Variants in ADNP observed in about 807,000 individuals in gnomAD.
The protein encoded by ADNP is activity dependent neuroprotector homeobox, also known as activity-dependent neuroprotector homeobox protein.
In ADNP, 4 loss-of-function variants were observed where a neutral mutation model predicts 84.9. The observed-to-expected ratio is 0.05, with a 90% CI of 0.02 to 0.11. ADNP has a LOEUF of 0.11. ADNP is among the 10% of genes least tolerant of loss of function. The pLI is 1.00. For synonymous variants in ADNP, 554 were observed against 468.1 expected (o/e 1.18, Z -2.37); for missense variants, 1,132 against 1,326.0 (o/e 0.85, Z 2.27).
intron 2 of ADNP, among the ~76,000 whole-genome samples, chr20:50,921,250 TAAC>T (rs1160609658): frequency 1.3e-5 from 2 of 152,226 alleles, no homozygotes; most frequent in Non-Finnish European, 2.9e-5. Context: ...GTGGTTGCCA[TAAC>T]AACATCTGTT....
chr20:50,901,914 T>C (rs912028578), intron 5 of ADNP, 103 bp downstream of exon 5: 30 of 876,904 alleles, frequency 3.4e-5, no homozygotes, highest in Non-Finnish European at 5.2e-5. Flanking sequence ...CTTTCGATGT[T>C]TGGCACTTGC....
chr20:50,898,620 C>T (rs942822624), intron 5 of ADNP, among the ~76,000 whole-genome samples: 26 of 152,238 alleles, frequency 1.7e-4, no homozygotes, highest in Non-Finnish European at 2.5e-4. Context: ...TCTCCACCTT[C>T]GTAGTCCTTA....
chr20:50,922,723 G>A (rs1472811421), intron 2 of ADNP, among the ~76,000 whole-genome samples: 3 of 151,642 alleles, frequency 2.0e-5, no homozygotes, highest in Non-Finnish European at 4.4e-5. Context: ...GGGATTATAG[G>A]CCCCCACCAC....
At position 50,891,004 on chromosome 20, in the gene ADNP, T is replaced by C. The variant is rs1221781140; in HGVS notation, c.*401A>G. The C allele has an allele frequency of 2.0e-6, 2 of 1,002,638 alleles. No homozygotes were observed. Among genetic ancestry groups the C allele is most frequent in the Non-Finnish European group, 2.4e-6 (2 of 842,052 alleles). 62.1% of individuals were successfully genotyped at this position (1,002,638 alleles called of 1,614,324 possible). ...TGAAAAAAAATCGCTTTTCCCAAAG[T>C]CTACTATACACATTAGACTGGTAGC... On this transcript the variant is annotated 3_prime_UTR_variant, in exon 6 of 6. Transcript: ENST00000621696.
intron 2 of ADNP, among the ~76,000 whole-genome samples, chr20:50,909,071 A>T (rs1034419991): frequency 1.4e-5 from 2 of 140,374 alleles, no homozygotes; most frequent in Admixed American, 7.1e-5. Context: ...GATGGCCATT[A>T]AAAAAAAAAA....
chr20:50,896,324 T>C (rs1442964533), intron 5 of ADNP, among the ~76,000 whole-genome samples: 2 of 151,738 alleles, frequency 1.3e-5, no homozygotes, highest in East Asian at 2.0e-4. Context: ...AAAATTTGTT[T>C]TAAAAAAAAA....
In ADNP at chr20:50,928,808, G is replaced by C. The variant is rs540609375; in HGVS notation, c.-247C>G. ...GTGTAAAAGCTGGGGCCTAGGTTTC[G>C]CATTGTGCATCTCACACCTATGGAA... On this transcript the variant is annotated 5_prime_UTR_variant, in exon 2 of 6. Transcript: ENST00000621696. 6.6e-6 allele frequency: 1 copy of C among 152,344 alleles called. No individual in the cohort carries two copies. Among genetic ancestry groups the C allele is most frequent in the Non-Finnish European group, 1.5e-5 (1 of 68,066 alleles). 9.4% of individuals were successfully genotyped at this position (152,344 alleles called of 1,614,324 possible).
Position 50,891,134 on chromosome 20 carries a change from A to C in ADNP, c.*271T>G. ...AAGAAATGTTGAAAAGGCAGATAAA[A>C]TAAACCTCTGCTTTTCCTCGTGTGT... On this transcript the variant is annotated 3_prime_UTR_variant, in exon 6 of 6. Transcript: ENST00000621696. 1 of 1,236,704 alleles carries C rather than the reference A, an allele frequency of 8.1e-7. No homozygotes were observed. Among genetic ancestry groups the C allele is most frequent in the Non-Finnish European group, 1.0e-6 (1 of 989,696 alleles). The allele number at this position is 1,236,704 out of a possible 1,614,324, so 76.6% of individuals were successfully genotyped here. A position where few individuals can be genotyped will look rare whatever the true frequency, so the allele number is the denominator to read the frequency against.
In ADNP at chr20:50,889,706, T is replaced by A; in HGVS notation, c.*1699A>T. 2.5e-6 allele frequency: 1 copy of A among 392,816 alleles called. No individual in the cohort carries two copies. The allele number at this position is 392,816 out of a possible 1,614,324, so 24.3% of individuals were successfully genotyped here. ...CCTCCTCATGGATTGGAGTTTCCCA[T>A]CATTGTTTTAATTGCTGGAAATGTT... On this transcript the variant is annotated 3_prime_UTR_variant, in exon 6 of 6. Coordinates refer to ENST00000621696, the MANE Select transcript of ADNP (RefSeq NM_001282531.3).
In ADNP at chr20:50,890,003, T is replaced by C. The variant is rs1980491039; in HGVS notation, c.*1402A>G. 2.5e-6 allele frequency: 1 copy of C among 394,272 alleles called. No homozygotes were observed. Among genetic ancestry groups the C allele is most frequent in the African/African-American group, 2.1e-5 (1 of 46,920 alleles). The allele number at this position is 394,272 out of a possible 1,614,324, so 24.4% of individuals were successfully genotyped here. Reference sequence around the variant, plus strand: ...AAAACCCATCAGGCTATTAAGATTCTGCTTGCAAATTAATGCCAATCCATG... The same window carrying C: ...AAAACCCATCAGGCTATTAAGATTCCGCTTGCAAATTAATGCCAATCCATG... On this transcript the variant is annotated 3_prime_UTR_variant, in exon 6 of 6. Coordinates refer to ENST00000621696, the MANE Select transcript of ADNP (RefSeq NM_001282531.3).
intron 2 of ADNP, among the ~76,000 whole-genome samples, chr20:50,914,607 T>G (rs955513094): frequency 6.6e-6 from 1 of 152,252 alleles, no homozygotes; most frequent in African/African-American, 2.4e-5. Flanking sequence ...TGTTCTACTG[T>G]TGTCACATAT....
intron 2 of ADNP, among the ~76,000 whole-genome samples, chr20:50,920,741 G>GA (rs1389668297): frequency 6.6e-6 from 1 of 152,062 alleles, no homozygotes; most frequent in Non-Finnish European, 1.5e-5. Flanking sequence ...AAAACGAGGG[G>GA]AAAAGAAAAG....
At chr20:50,924,860 G>A (rs184431445) in intron 2 of ADNP, among the ~76,000 whole-genome samples, 24 of 152,270 alleles carry the variant, frequency 1.6e-4, no homozygotes, top group East Asian at 3.9e-4. Context: ...TTTAGATTAC[G>A]TGTATGCTTT....
intron 5 of ADNP, among the ~76,000 whole-genome samples, chr20:50,900,315 CCA>C (rs1456065742): frequency 3.3e-5 from 5 of 152,092 alleles, no homozygotes; most frequent in Non-Finnish European, 7.4e-5. Context: ...ACAGGCCATA[CCA>C]TATAGCGTAG....
chr20:50,922,433 G>A (rs904981727), intron 2 of ADNP, among the ~76,000 whole-genome samples: 1 of 151,778 alleles, frequency 6.6e-6, no homozygotes, highest in African/African-American at 2.4e-5. Context: ...ACAAAACTTG[G>A]GGAAACACTT....
At chr20:50,919,287 A>ACATATATATATATACATATATAT (rs776823194) in intron 2 of ADNP, among the ~76,000 whole-genome samples, 19 of 128,062 alleles carry the variant, frequency 1.5e-4, no homozygotes, top group Admixed American at 4.7e-4. Flanking sequence ...ACATATATTT[A>ACATATATATATATACATATATAT]AGTGTATATA....
At chr20:50,921,341 A>G (rs1455277055) in intron 2 of ADNP, among the ~76,000 whole-genome samples, 2 of 152,210 alleles carry the variant, frequency 1.3e-5, no homozygotes, top group African/African-American at 2.4e-5. Flanking sequence ...ATTCATACTC[A>G]GGTTTGCATA....
intron 5 of ADNP, among the ~76,000 whole-genome samples, chr20:50,898,905 A>C (rs1981683074): frequency 6.6e-6 from 1 of 152,202 alleles, no homozygotes; most frequent in Non-Finnish European, 1.5e-5. Context: ...CATTATCAGG[A>C]AGTCATGTGC....
chr20:50,929,956 AAGGATATC>A (rs1430240910), intron 1 of ADNP, among the ~76,000 whole-genome samples: 1 of 151,954 alleles, frequency 6.6e-6, no homozygotes, highest in Non-Finnish European at 1.5e-5. Context: ...TGTGGCTAAA[AAGGATATC>A]AGACCTAGAG....
Sources: allele counts gnomAD v4.1 joint callset (sites outside exome capture counted in the v4.1 genomes callset), GRCh38; gene constraint gnomAD v4.1.1; transcripts MANE v1.5; gene names NCBI Gene and HGNC (gene_info 2026-07-23, HGNC 2026-07-21).